BPI: variants seen among roughly 807,000 people sequenced by gnomAD.
The protein encoded by BPI is bactericidal permeability-increasing protein.
Under a neutral mutation model 57.6 loss-of-function variants are expected in BPI, and 48 were observed. The observed-to-expected ratio is 0.83, with a 90% CI of 0.66 to 1.06. The LOEUF (loss-of-function observed/expected upper bound fraction) is 1.06. Ranked by LOEUF, BPI falls within the 50% of genes least tolerant of loss-of-function variation. The pLI is 0.00. For synonymous variants in BPI, 237 were observed against 238.2 expected (o/e 0.99, Z 0.05); for missense variants, 651 against 609.7 (o/e 1.07, Z -0.71).
chr20:38,326,499 C>G, intron 10 of BPI, 67 bp downstream of exon 10: 2 of 1,479,894 alleles, frequency 1.4e-6, no homozygotes, highest in Non-Finnish European at 1.8e-6. Context: ...TCTTTGGAGT[C>G]AGGAGACCAT....
chr20:38,310,717 G>A, intron 4 of BPI, 65 bp downstream of exon 4: 1 of 1,562,326 alleles, frequency 6.4e-7, no homozygotes, highest in Non-Finnish European at 8.7e-7. Flanking sequence ...AATCATCCCT[G>A]TATTCCGAAA....
At chr20:38,325,280 G>A (rs1483156561) in intron 9 of BPI, among the ~76,000 whole-genome samples, 2 of 151,982 alleles carry the variant, frequency 1.3e-5, no homozygotes, top group African/African-American at 2.4e-5. Flanking sequence ...GGTCAAGGAC[G>A]CCTCTGTCTT....
intron 7 of BPI, chr20:38,321,860 A>G (rs2076687852): frequency 6.8e-6 from 1 of 147,904 alleles, no homozygotes; most frequent in East Asian, 2.0e-4. Context: ...ACACACAGAG[A>G]GAGAGAGAGA....
intron 7 of BPI, among the ~76,000 whole-genome samples, chr20:38,322,734 C>T (rs1051721384): frequency 2.0e-5 from 3 of 152,126 alleles, no homozygotes; most frequent in East Asian, 1.9e-4. Context: ...CTTCAGCCTC[C>T]GGTCACTGGG....
At chr20:38,317,597 A>C in intron 5 of BPI, 7 of 713,488 alleles carry the variant, frequency 9.8e-6, no homozygotes, top group Admixed American at 2.0e-5. Flanking sequence ...CTGAAGTTAC[A>C]CAAAGGTCAG....
chr20:38,311,803 A>G, intron 4 of BPI, 71 bp from the exon 5 acceptor site: 2 of 1,492,298 alleles, frequency 1.3e-6, no homozygotes, highest in South Asian at 1.1e-5. Context: ...TTTTGAGATG[A>G]GGCAGCCTCC....
chr20:38,319,224 G>T (rs889766280), intron 6 of BPI, among the ~76,000 whole-genome samples: 2 of 152,194 alleles, frequency 1.3e-5, no homozygotes, highest in African/African-American at 2.4e-5. Context: ...GACAGAGCAA[G>T]ACTCTGTCTC....
intron 10 of BPI, chr20:38,326,670 T>C: frequency 2.2e-6 from 1 of 458,598 alleles, no homozygotes; most frequent in Non-Finnish European, 3.8e-6. Flanking sequence ...AGTCAATTTC[T>C]CATTCATTCA....
In BPI at chr20:38,310,643, G is replaced by A. The variant is rs1430693217; in HGVS notation, c.527G>A (p.Ser176Asn). Residue 176 changes from serine (S) to asparagine (N), a missense_variant, in exon 4 of 15, where the codon AGC (serine) becomes AAC (asparagine). Coordinates refer to ENST00000642449, the MANE Select transcript of BPI (RefSeq NM_001725.3). ...INSVHVHISK[S>N]KVGWLIQLFH... Reference sequence around the variant, plus strand: ...AGTGTCCACGTGCACATCTCAAAGAGCAAAGTGGGGTATGGACTCCCGGGA... The same window carrying A: ...AGTGTCCACGTGCACATCTCAAAGAACAAAGTGGGGTATGGACTCCCGGGA... 6.2e-7 allele frequency: 1 copy of A among 1,612,678 alleles called. No individual in the cohort carries two copies. Among genetic ancestry groups the A allele is most frequent in the Non-Finnish European group, 8.5e-7 (1 of 1,178,984 alleles).
At position 38,335,652 on chromosome 20, in the gene BPI, A is replaced by T; in HGVS notation, c.1391A>T (p.Asn464Ile). ...LPTPARVQLY[N>I]VVLQPHQNFL... is the part of the protein sequence containing the mutation. ...ACGCCGGCCAGAGTCCAGCTCTACA[A>T]CGTAGTGCTTCAGCCTCACCAGGTG... is the stretch of plus-strand genomic sequence containing the variant. Residue 464 changes from asparagine (N) to isoleucine (I), a missense_variant, in exon 14 of 15, where the codon AAC becomes ATC. Asn to Ile is a moderately radical substitution (Grantham distance 149). Coordinates refer to ENST00000642449, the MANE Select transcript of BPI (RefSeq NM_001725.3). The T allele has an allele frequency of 1.2e-6, 2 of 1,614,108 alleles. No homozygotes were observed. The highest frequency in any genetic ancestry group is 1.7e-6 in the Non-Finnish European group (2 of 1,179,992).
At chr20:38,329,537 G>A (rs2076731944) in intron 11 of BPI, among the ~76,000 whole-genome samples, 1 of 152,188 alleles carries the variant, frequency 6.6e-6, no homozygotes, top group Non-Finnish European at 1.5e-5. Flanking sequence ...CTGGGTGTGG[G>A]CTGAGCACAG....
Position 38,310,520 on chromosome 20 carries a change from T to C in BPI, c.404T>C (p.Ile135Thr). Residue 135 changes from isoleucine to threonine, a missense_variant, in exon 4 of 15, where the codon ATA becomes ACA. Physicochemically the swap from Ile to Thr is moderately conservative, Grantham distance 89. Transcript: ENST00000642449. ...LKMSGNFDLS[I>T]EGMSISADLK... Reference sequence around the variant, plus strand: ...ATGAGCGGCAATTTTGACCTGAGCATAGAAGGCATGTCCATTTCGGCTGAT... The same window carrying C: ...ATGAGCGGCAATTTTGACCTGAGCACAGAAGGCATGTCCATTTCGGCTGAT... 1.2e-6 allele frequency: 2 copies of C among 1,614,126 alleles called. No homozygotes were observed. The highest frequency in any genetic ancestry group is 2.2e-5 in the East Asian group (1 of 44,884).
At chr20:38,336,739 T>A (rs2076769369) in intron 14 of BPI, among the ~76,000 whole-genome samples, 1 of 152,022 alleles carries the variant, frequency 6.6e-6, no homozygotes, top group African/African-American at 2.4e-5. Flanking sequence ...GTTCGTGTTT[T>A]AAAAAAAATG....
At position 38,337,164 on chromosome 20, in the gene BPI, G is replaced by A. The variant is rs756308388; in HGVS notation, c.1432G>A (p.Ala478Thr). Reference sequence around the variant, plus strand: ...TCCCTAGAACTTCCTGCTGTTCGGTGCAGACGTTGTCTATAAATGAAGGCA... The same window carrying A: ...TCCCTAGAACTTCCTGCTGTTCGGTACAGACGTTGTCTATAAATGAAGGCA... ...QPHQNFLLFG[A>T]DVVYK The change falls in exon 15 of 15, where the codon GCA (alanine) becomes ACA (threonine). Residue 478 changes from alanine to threonine, a missense_variant. Transcript: ENST00000642449. 4 of 1,595,008 alleles carry A rather than the reference G, an allele frequency of 2.5e-6. No homozygotes were observed. The highest frequency in any genetic ancestry group is 3.5e-5 in the Admixed American group (2 of 56,554).
Position 38,337,145 on chromosome 20 carries a change from G to C in BPI, c.1414-1G>C. The C allele has an allele frequency of 6.2e-7, 1 of 1,602,754 alleles. No homozygotes were observed. Among genetic ancestry groups the C allele is most frequent in the Non-Finnish European group, 8.5e-7 (1 of 1,175,506 alleles). The stretch of plus-strand genomic sequence containing the variant: ...GTGACAACATTCTCATCTCTCCCTA[G>C]AACTTCCTGCTGTTCGGTGCAGACG... On this transcript the variant is annotated splice_acceptor_variant, in intron 14 of 14. Transcript: ENST00000642449. LOFTEE classifies it high-confidence loss of function.
rs1418713160 is a variant in BPI at position 38,337,166 on chromosome 20, A to C, written c.1434A>C (p.Ala478=). 1 of 1,594,652 alleles carries C rather than the reference A, an allele frequency of 6.3e-7. No homozygotes were observed. Among genetic ancestry groups the C allele is most frequent in the Admixed American group, 1.8e-5 (1 of 56,440 alleles). Residue 478 remains alanine, a synonymous_variant, in exon 15 of 15, where the codon GCA becomes GCC. Transcript: ENST00000642449. ...CCTAGAACTTCCTGCTGTTCGGTGC[A>C]GACGTTGTCTATAAATGAAGGCACC... ...QPHQNFLLFG[A]DVVYK
chr20:38,335,431 G>A (rs879372299), intron 13 of BPI, 167 bp from the exon 14 acceptor site: 13 of 640,930 alleles, frequency 2.0e-5, no homozygotes, highest in South Asian at 5.5e-5. Context: ...TGGGAGGTAC[G>A]GACTCTGGGG....
Position 38,310,482 on chromosome 20 carries a change from C to A in BPI, c.375-9C>A, listed in dbSNP as rs1392690892. The A allele has an allele frequency of 2.5e-6, 4 of 1,611,486 alleles. No homozygotes were observed. Among genetic ancestry groups the A allele is most frequent in the African/African-American group, 1.3e-5 (1 of 75,016 alleles). On this transcript the variant is annotated splice_polypyrimidine_tract_variant and intron_variant, in intron 3 of 14. Transcript: ENST00000642449. ...GACTTGTCCCACATTCCTCTTTGTTCTTCTTCAGAAAAATGAGCGGCAATT... is the reference window on the plus strand; with the variant it reads ...GACTTGTCCCACATTCCTCTTTGTTATTCTTCAGAAAAATGAGCGGCAATT...
chr20:38,309,563 G>A (rs1047603212), intron 3 of BPI, among the ~76,000 whole-genome samples: 1 of 152,166 alleles, frequency 6.6e-6, no homozygotes, highest in African/African-American at 2.4e-5. Flanking sequence ...GGAACACACA[G>A]GTCCTCTTAA....
Sources: gnomAD v4.1 joint callset for allele counts (sites outside exome capture counted in the v4.1 genomes callset) on GRCh38, gnomAD v4.1.1 for gene constraint, MANE v1.5 for transcripts, NCBI Gene and HGNC (gene_info 2026-07-23, HGNC 2026-07-21) for gene names.